The following C8orf34 variants were observed in gnomAD, a reference collection of about 807,000 sequenced individuals.
C8orf34 encodes the protein uncharacterized protein C8orf34.
A neutral mutation model predicts 68.3 loss-of-function variants in C8orf34; 65 were observed. The ratio of observed to expected loss-of-function variants is 0.95; its 90% confidence interval spans 0.78 to 1.17. C8orf34 has a LOEUF of 1.17. C8orf34 is among the 50% of genes most tolerant of loss of function. The pLI is 0.00. For synonymous variants in C8orf34, 244 were observed against 241.2 expected (o/e 1.01, Z -0.11); for missense variants, 664 against 655.4 (o/e 1.01, Z -0.14).
In C8orf34 at chr8:68,815,889, C is replaced by T. The variant is rs148828115; in HGVS notation, c.1553C>T (p.Ser518Phe). The T allele has an allele frequency of 6.7e-5, 108 of 1,613,700 alleles. No homozygotes were observed. Among genetic ancestry groups the T allele is most frequent in the Non-Finnish European group, 8.9e-5 (105 of 1,179,716 alleles). The change falls in exon 13 of 14, where the codon TCC (serine) becomes TTC (phenylalanine). Residue 518 changes from serine (S) to phenylalanine (F), a missense_variant. Physicochemically the swap from Ser to Phe is radical, Grantham distance 155. Coordinates refer to ENST00000518698, the MANE Select transcript of C8orf34 (RefSeq NM_052958.4). ...EGVEAEQEKR[S>F]ADLLLCVPCS... ...CTCTGTTTCTTTTGTTGTGCAGGTTCCGCTGATCTTCTTCTTTGCGTTCCA... is the reference window on the plus strand; with the variant it reads ...CTCTGTTTCTTTTGTTGTGCAGGTTTCGCTGATCTTCTTCTTTGCGTTCCA...
intron 1 of C8orf34, among the ~76,000 whole-genome samples, chr8:68,346,714 T>C (rs1209326087): frequency 1.3e-5 from 2 of 152,160 alleles, no homozygotes; most frequent in African/African-American, 4.8e-5. Flanking sequence ...CCTTTTCAGA[T>C]TGGCTTCTTT....
intron 1 of C8orf34, among the ~76,000 whole-genome samples, chr8:68,393,562 G>T (rs1323911507): frequency 6.7e-6 from 1 of 149,442 alleles, no homozygotes; most frequent in Non-Finnish European, 1.5e-5. Flanking sequence ...TCCTAAGAAT[G>T]GCATGGGGAA....
chr8:68,464,611 A>G lies in C8orf34; in HGVS notation c.608-4081A>G, dbSNP rs569232952. Reference sequence around the variant, plus strand: ...TGGTACCAAAACAGAGATATTGATCAATGGAACAGAACAGAGCCCTCAGAA... The same window carrying G: ...TGGTACCAAAACAGAGATATTGATCGATGGAACAGAACAGAGCCCTCAGAA... On this transcript the variant is annotated intron_variant, in intron 3 of 13. Transcript: ENST00000518698. 4.3e-3 allele frequency among the ~76,000 whole-genome samples: 652 copies of G among 152,274 alleles called. 8 individuals are homozygous for G. Among genetic ancestry groups the G allele is most frequent in the African/African-American group, 0.015 (630 of 41,504 alleles).
At chr8:68,664,421 A>G (rs1195922559) in intron 8 of C8orf34, among the ~76,000 whole-genome samples, 1 of 152,184 alleles carries the variant, frequency 6.6e-6, no homozygotes, top group African/African-American at 2.4e-5. Flanking sequence ...CCATGAGATG[A>G]TGCAAAAGCA....
At chr8:68,574,553 A>G (rs1816848219) in intron 7 of C8orf34, among the ~76,000 whole-genome samples, 1 of 152,098 alleles carries the variant, frequency 6.6e-6, no homozygotes, top group East Asian at 1.9e-4. Context: ...AATAGACAAT[A>G]CTTCTTATAG....
In C8orf34 at chr8:68,709,067, C is replaced by T. The variant is rs1351960520; in HGVS notation, c.1315C>T (p.Pro439Ser). 6.2e-7 allele frequency: 1 copy of T among 1,611,004 alleles called. No individual in the cohort carries two copies. Among genetic ancestry groups the T allele is most frequent in the East Asian group, 2.2e-5 (1 of 44,650 alleles). The change falls in exon 9 of 14, where the codon CCA becomes TCA. Residue 439 changes from proline to serine, a missense_variant. Physicochemically the swap from Pro to Ser is moderately conservative, Grantham distance 74. Coordinates refer to ENST00000518698, the MANE Select transcript of C8orf34 (RefSeq NM_052958.4). ...ACTCCATTCTCCAGATGAAAAAATC[C>T]CAGATTCATTCGGTAAGTTTTAAGT... Reference protein sequence around the residue: ...PILHSPDEKIPDSFDSLPGTE... With the variant: ...PILHSPDEKISDSFDSLPGTE...
chr8:68,671,336 G>C (rs16934894), intron 8 of C8orf34, among the ~76,000 whole-genome samples: 1 of 152,138 alleles, frequency 6.6e-6, no homozygotes, highest in East Asian at 1.9e-4. Flanking sequence ...CACTGAGAAC[G>C]ATCATGTGAT....
intron 5 of C8orf34, among the ~76,000 whole-genome samples, chr8:68,512,848 A>G (rs1814337912): frequency 6.6e-6 from 1 of 151,604 alleles, no homozygotes; most frequent in Non-Finnish European, 1.5e-5. Flanking sequence ...ATGTAAATCT[A>G]TTTCCAGTAG....
chr8:68,762,996 G>T (rs968466757), intron 10 of C8orf34, among the ~76,000 whole-genome samples: 1 of 152,164 alleles, frequency 6.6e-6, no homozygotes, highest in South Asian at 2.1e-4. Context: ...TCATTAAGTT[G>T]CTGGGTCTGG....
intron 10 of C8orf34, among the ~76,000 whole-genome samples, chr8:68,732,608 C>T (rs1211397611): frequency 6.6e-6 from 1 of 152,010 alleles, no homozygotes; most frequent in Non-Finnish European, 1.5e-5. Flanking sequence ...TACAGAGAAG[C>T]TATATTTTTC....
intron 8 of C8orf34, among the ~76,000 whole-genome samples, chr8:68,705,903 C>G (rs1424089132): frequency 6.6e-6 from 1 of 152,144 alleles, no homozygotes; most frequent in East Asian, 1.9e-4. Context: ...CAGCCTTACA[C>G]AGGAGACAGG....
chr8:68,447,988 A>C (rs1298086804), intron 3 of C8orf34: 1 of 152,240 alleles, frequency 6.6e-6, no homozygotes. Flanking sequence ...GATAAAAATG[A>C]ATAAAGGAAG....
At chr8:68,701,527 G>A (rs545356298) in intron 8 of C8orf34, among the ~76,000 whole-genome samples, 18 of 150,658 alleles carry the variant, frequency 1.2e-4, no homozygotes, top group Non-Finnish European at 1.9e-4. Flanking sequence ...TTTTTTCCCC[G>A]CTCTTTCACC....
At chr8:68,817,888 G>T (rs1193752536) in intron 13 of C8orf34, among the ~76,000 whole-genome samples, 1 of 152,120 alleles carries the variant, frequency 6.6e-6, no homozygotes, top group Non-Finnish European at 1.5e-5. Flanking sequence ...ATCAGATCTT[G>T]TGAGACCTCA....
chr8:68,759,124 A>G (rs1015199254), intron 10 of C8orf34, among the ~76,000 whole-genome samples: 14 of 152,144 alleles, frequency 9.2e-5, no homozygotes, highest in Middle Eastern at 3.2e-3. Flanking sequence ...CACACAGACC[A>G]TATTCCTCTT....
intron 9 of C8orf34, among the ~76,000 whole-genome samples, chr8:68,712,657 A>G (rs987917655): frequency 6.6e-6 from 1 of 152,150 alleles, no homozygotes; most frequent in African/African-American, 2.4e-5. Context: ...TCCTAAATAT[A>G]TATGTGCCTA....
intron 7 of C8orf34, 47 bp downstream of exon 7, chr8:68,533,196 A>G (rs1815322841): frequency 2.0e-6 from 3 of 1,529,906 alleles, no homozygotes; most frequent in African/African-American, 2.8e-5. Flanking sequence ...TTGACATTGT[A>G]AAAAAAACGT....
intron 8 of C8orf34, among the ~76,000 whole-genome samples, chr8:68,647,976 C>T (rs913068558): frequency 2.6e-5 from 4 of 152,078 alleles, no homozygotes; most frequent in African/African-American, 9.7e-5. Flanking sequence ...AGAATCTAAT[C>T]CAGAACATTT....
chr8:68,602,877 G>A (rs1391687886), intron 7 of C8orf34, among the ~76,000 whole-genome samples: 1 of 152,058 alleles, frequency 6.6e-6, no homozygotes, highest in Non-Finnish European at 1.5e-5. Flanking sequence ...TGCCCCCCAT[G>A]TTTTCTGTTC....
Sources: gnomAD v4.1 joint callset for allele counts (sites outside exome capture counted in the v4.1 genomes callset) on GRCh38, gnomAD v4.1.1 for gene constraint, MANE v1.5 for transcripts, NCBI Gene and HGNC (gene_info 2026-07-23, HGNC 2026-07-21) for gene names.